The following KLHL2 variants were observed in gnomAD, a reference collection of about 807,000 sequenced individuals.
The protein encoded by KLHL2 is kelch like family member 2, also known as kelch-like protein 2.
KLHL2 carries 15 observed loss-of-function variants against 75.8 expected under a neutral mutation model. The ratio of observed to expected loss-of-function variants is 0.20; its 90% CI spans 0.13 to 0.30. The LOEUF (loss-of-function observed/expected upper bound fraction) is 0.30, where lower values mean the gene tolerates loss of function less well. Among genes scored for constraint, KLHL2 ranks in the 10% least tolerant of loss-of-function variants. The probability of loss-of-function intolerance (pLI) is 1.00; values close to 1 mark genes in which losing one functional copy is unlikely to be tolerated. For synonymous variants in KLHL2, 214 were observed against 251.9 expected (o/e 0.85, Z 1.42); for missense variants, 381 against 741.0 (o/e 0.51, Z 5.64).
At chr4:165,238,656 T>C in intron 3 of KLHL2, 122 bp from the exon 4 acceptor site, 1 of 1,535,116 alleles carries the variant, frequency 6.5e-7, no homozygotes, top group Admixed American at 2.4e-5. Flanking sequence ...CTGCAAAAAG[T>C]GGCTGATTAT....
intron 5 of KLHL2, among the ~76,000 whole-genome samples, chr4:165,265,077 G>A (rs1742139989): frequency 1.3e-5 from 2 of 151,996 alleles, no homozygotes; most frequent in South Asian, 2.1e-4. Context: ...TCTGGTTAGG[G>A]CAAGGTGGTA....
At chr4:165,208,103 G>A (rs567900781) in intron 1 of KLHL2, among the ~76,000 whole-genome samples, 1 of 152,026 alleles carries the variant, frequency 6.6e-6, no homozygotes, top group East Asian at 2.0e-4. Flanking sequence ...GACTTAAAAC[G>A]CTGCCCAGGA....
chr4:165,275,108 TTTTA>T (rs1157019752), intron 5 of KLHL2, among the ~76,000 whole-genome samples: 1 of 148,464 alleles, frequency 6.7e-6, no homozygotes, highest in Non-Finnish European at 1.5e-5. Context: ...ATTTATTTTA[TTTTA>T]TTTTATTTTA....
At chr4:165,293,655 C>T (rs1256118676) in intron 5 of KLHL2, among the ~76,000 whole-genome samples, 1 of 150,978 alleles carries the variant, frequency 6.6e-6, no homozygotes, top group Admixed American at 6.6e-5. Flanking sequence ...AGGTGTCCAT[C>T]ACCATGCCTG....
intron 5 of KLHL2, among the ~76,000 whole-genome samples, chr4:165,270,757 C>T (rs1742624008): frequency 6.6e-6 from 1 of 152,066 alleles, no homozygotes; most frequent in South Asian, 2.1e-4. Flanking sequence ...GAGGTGTCTC[C>T]CAGTCAGGCT....
At chr4:165,232,103 A>G (rs2111056444) in intron 3 of KLHL2, among the ~76,000 whole-genome samples, 1 of 152,140 alleles carries the variant, frequency 6.6e-6, no homozygotes, top group Middle Eastern at 3.4e-3. Flanking sequence ...CAATCTTTGT[A>G]CTGTTTTTTT....
intron 3 of KLHL2, among the ~76,000 whole-genome samples, chr4:165,238,233 A>G (rs1447932036): frequency 6.6e-6 from 1 of 152,180 alleles, no homozygotes; most frequent in Non-Finnish European, 1.5e-5. Context: ...TCTAAGCATC[A>G]TAAGTAATTT....
At chr4:165,222,377 T>C (rs1384746137) in intron 2 of KLHL2, among the ~76,000 whole-genome samples, 1 of 152,118 alleles carries the variant, frequency 6.6e-6, no homozygotes, top group Non-Finnish European at 1.5e-5. Context: ...TTCATTCATC[T>C]GTTTGCCCCT....
chr4:165,228,614 A>C (rs1272587110), intron 2 of KLHL2, among the ~76,000 whole-genome samples, 193 bp from the exon 3 acceptor site: 1 of 152,210 alleles, frequency 6.6e-6, no homozygotes, highest in Non-Finnish European at 1.5e-5. Context: ...GTGAGAGTCC[A>C]AGGCATGTTG....
At chr4:165,226,677 A>G (rs962406969) in intron 2 of KLHL2, among the ~76,000 whole-genome samples, 24 of 152,194 alleles carry the variant, frequency 1.6e-4, no homozygotes, top group Non-Finnish European at 3.2e-4. Flanking sequence ...TGGAGCTTTT[A>G]TTAGCTATAT....
intron 1 of KLHL2, among the ~76,000 whole-genome samples, chr4:165,214,613 C>G (rs1283085112): frequency 3.3e-5 from 5 of 152,176 alleles, no homozygotes. Flanking sequence ...CTCCTCCTGC[C>G]AATGCTTCCC....
At chr4:165,258,662 T>C (rs941035165) in intron 4 of KLHL2, among the ~76,000 whole-genome samples, 2 of 152,242 alleles carry the variant, frequency 1.3e-5, no homozygotes, top group Non-Finnish European at 2.9e-5. Flanking sequence ...TTTTGTGACC[T>C]AAATAGCAAA....
rs1312735242 is a variant in KLHL2 at position 165,207,935 on chromosome 4, C to T, written c.26+33C>T. The T allele has an allele frequency of 3.7e-6, 5 of 1,360,376 alleles. No homozygotes were observed. The South Asian group carries it at 7.9e-5, about 21-fold the overall frequency. The allele number at this position is 1,360,376 out of a possible 1,614,324, so 84.3% of individuals were successfully genotyped here. ...AGCGGGCGGGCGGGCTGCGCCGCTGCGGATAAGCGCGCCGCTGCGGCGCGT... is the reference window on the plus strand; with the variant it reads ...AGCGGGCGGGCGGGCTGCGCCGCTGTGGATAAGCGCGCCGCTGCGGCGCGT... On this transcript the variant is annotated intron_variant, in intron 1 of 14. Coordinates refer to ENST00000226725, the MANE Select transcript of KLHL2 (RefSeq NM_007246.4). The surrounding 1 kb of genome is among the most constrained non-coding windows in gnomAD (Gnocchi z 4.2).
chr4:165,263,492 A>G, intron 5 of KLHL2, 133 bp downstream of exon 5: 7 of 1,274,704 alleles, frequency 5.5e-6, no homozygotes, highest in Non-Finnish European at 7.5e-6. Flanking sequence ...AAATCTTATA[A>G]TGGTCACACT....
chr4:165,291,891 G>A (rs911443052), intron 5 of KLHL2, among the ~76,000 whole-genome samples: 2 of 152,004 alleles, frequency 1.3e-5, no homozygotes, highest in South Asian at 4.2e-4. Context: ...GAGCAGTGGT[G>A]TGATCCTAGC....
rs1468150958 is a variant in KLHL2 at position 165,269,334 on chromosome 4, T to G, written c.544+5975T>G. ...ACATTTAAGGTTAATATTGTTATGTTTGAATTTGATCCTGTCATTATGATG... is the reference window on the plus strand; with the variant it reads ...ACATTTAAGGTTAATATTGTTATGTGTGAATTTGATCCTGTCATTATGATG... On this transcript the variant is annotated intron_variant, in intron 5 of 14. Coordinates refer to ENST00000226725, the MANE Select transcript of KLHL2 (RefSeq NM_007246.4). Among the ~76,000 whole-genome samples the G allele has an allele frequency of 3.3e-5, 5 of 152,222 alleles. No individual in the cohort carries two copies. In the East Asian group the frequency reaches 7.7e-4, roughly 24 times the overall value.
Position 165,319,055 on chromosome 4 carries a change from C to T in KLHL2, c.1753+1086C>T, listed in dbSNP as rs1746783734. Among the ~76,000 whole-genome samples the T allele has an allele frequency of 6.6e-6, 1 of 152,086 alleles. No individual in the cohort carries two copies. Among genetic ancestry groups the T allele is most frequent in the South Asian group, 2.1e-4 (1 of 4,818 alleles). Reference sequence around the variant, plus strand: ...CACAGTCCAGAGAAATGTGAACAAACCACAAAGATACAATATTAAATCATA... The same window carrying T: ...CACAGTCCAGAGAAATGTGAACAAATCACAAAGATACAATATTAAATCATA... On this transcript the variant is annotated intron_variant, in intron 14 of 14. Transcript: ENST00000226725. This position sits in a 1 kb window ranked among gnomAD's most constrained non-coding sequence, Gnocchi z 4.5.
At chr4:165,294,253 C>T (rs1315528506) in intron 5 of KLHL2, 106 bp from the exon 6 acceptor site, 3 of 656,376 alleles carry the variant, frequency 4.6e-6, no homozygotes, top group Non-Finnish European at 7.9e-6. Flanking sequence ...AATTGGTTTT[C>T]TCATTCTTAA....
chr4:165,296,747 G>A (rs758747520), intron 6 of KLHL2, among the ~76,000 whole-genome samples: 14 of 152,144 alleles, frequency 9.2e-5, no homozygotes, highest in Admixed American at 4.6e-4. Context: ...CCAGAAGGCC[G>A]ACTATCTTGT....
Sources: gnomAD v4.1 joint callset for allele counts (sites outside exome capture counted in the v4.1 genomes callset) on GRCh38, gnomAD v4.1.1 for gene constraint, Gnocchi (gnomAD v3.1) non-coding constraint, MANE v1.5 for transcripts, NCBI Gene and HGNC (gene_info 2026-07-23, HGNC 2026-07-21) for gene names.